HS6ST3: variants seen among roughly 807,000 people sequenced by gnomAD.
HS6ST3 encodes the protein heparan-sulfate 6-O-sulfotransferase 3.
In HS6ST3, 12 loss-of-function variants were observed where a neutral mutation model predicts 36.7. The ratio of observed to expected loss-of-function variants is 0.33; its 90% CI spans 0.21 to 0.53. The LOEUF (loss-of-function observed/expected upper bound fraction) is 0.53. Ranked by LOEUF, HS6ST3 falls within the 20% of genes least tolerant of loss-of-function variation. The pLI, the probability that HS6ST3 is intolerant of heterozygous loss-of-function variation, is 0.95. For synonymous variants in HS6ST3, 240 were observed against 257.5 expected (o/e 0.93, Z 0.65); for missense variants, 584 against 640.9 (o/e 0.91, Z 0.96).
chr13:96,475,885 A>G (rs1327047762), intron 1 of HS6ST3, among the ~76,000 whole-genome samples: 2 of 152,176 alleles, frequency 1.3e-5, no homozygotes, highest in Non-Finnish European at 2.9e-5. Context: ...AACCTCATCC[A>G]AGAACCCTCA....
chr13:96,112,578 A>AATATACACATATATAT (rs397773858), intron 1 of HS6ST3, among the ~76,000 whole-genome samples: 1 of 81,224 alleles, frequency 1.2e-5, no homozygotes, highest in African/African-American at 4.9e-5. Flanking sequence ...AAAATAAATA[A>AATATACACATATATAT]ATATATATAT....
At chr13:96,292,112 C>T (rs1365345634) in intron 1 of HS6ST3, among the ~76,000 whole-genome samples, 1 of 151,884 alleles carries the variant, frequency 6.6e-6, no homozygotes, top group African/African-American at 2.4e-5. Context: ...TTTTGTAAAA[C>T]ATGTGTTAAC....
At chr13:96,147,333 A>T (rs1157698692) in intron 1 of HS6ST3, among the ~76,000 whole-genome samples, 1 of 152,196 alleles carries the variant, frequency 6.6e-6, no homozygotes, top group African/African-American at 2.4e-5. Context: ...TGACCACCTC[A>T]TTAACTGTCT....
rs1566453346 is a variant in HS6ST3, at chr13:96,785,750, A to G, written c.708-46740A>G. On this transcript the variant is annotated intron_variant, in intron 1 of 1. Transcript: ENST00000376705. The stretch of plus-strand genomic sequence containing the variant: ...CACACAAAAAGAGGCAAAGAGATAC[A>G]TGAAAGAAAGGAAGCCCATATTTTA... 1.3e-5 allele frequency among the ~76,000 whole-genome samples: 2 copies of G among 152,332 alleles called. 1 individual carries two copies.
chr13:96,316,320 A>G (rs1594751203), intron 1 of HS6ST3, among the ~76,000 whole-genome samples: 1 of 146,344 alleles, frequency 6.8e-6, no homozygotes, highest in Non-Finnish European at 1.5e-5. Context: ...GTGGATGTGT[A>G]TGACTGTATG....
intron 1 of HS6ST3, among the ~76,000 whole-genome samples, chr13:96,624,215 C>A (rs987160095): frequency 3.3e-5 from 5 of 151,972 alleles, no homozygotes; most frequent in African/African-American, 1.2e-4. Flanking sequence ...TATGCCATTA[C>A]GGCTTAAGTA....
intron 1 of HS6ST3, among the ~76,000 whole-genome samples, chr13:96,461,676 T>G (rs17189965): frequency 0.24 from 37,161 of 152,150 alleles, 5,654 homozygotes; most frequent in Non-Finnish European, 0.34. Context: ...CAAAGTTGGC[T>G]TTCACCCTGA....
intron 1 of HS6ST3, among the ~76,000 whole-genome samples, chr13:96,424,177 G>A (rs537636274): frequency 9.9e-5 from 15 of 152,096 alleles, no homozygotes; most frequent in African/African-American, 3.1e-4. Flanking sequence ...CCAAACAAAC[G>A]AATTCCAAAA....
intron 1 of HS6ST3, among the ~76,000 whole-genome samples, chr13:96,512,228 T>C (rs1366418086): frequency 1.3e-5 from 2 of 152,204 alleles, no homozygotes; most frequent in Non-Finnish European, 2.9e-5. Flanking sequence ...ACATTCTCTA[T>C]ATAATTATAT....
chr13:96,146,722 G>A (rs145009842), intron 1 of HS6ST3, among the ~76,000 whole-genome samples: 319 of 152,212 alleles, frequency 2.1e-3, no homozygotes, highest in African/African-American at 6.5e-3. Flanking sequence ...TAATGAATTC[G>A]TATGTAGGTA....
chr13:96,602,936 A>G (rs2056426713), intron 1 of HS6ST3, among the ~76,000 whole-genome samples: 2 of 152,158 alleles, frequency 1.3e-5, no homozygotes, highest in Admixed American at 1.3e-4. Context: ...TTAATGTAAA[A>G]TTGTCCTTCC....
intron 1 of HS6ST3, among the ~76,000 whole-genome samples, chr13:96,397,884 A>G (rs1313428150): frequency 6.6e-6 from 1 of 152,116 alleles, no homozygotes; most frequent in Non-Finnish European, 1.5e-5. Context: ...TATCTTCTCC[A>G]TTTTACAGAT....
At chr13:96,346,142 C>A (rs1051910785) in intron 1 of HS6ST3, among the ~76,000 whole-genome samples, 1 of 152,208 alleles carries the variant, frequency 6.6e-6, no homozygotes, top group African/African-American at 2.4e-5. Flanking sequence ...CCCTAACAGG[C>A]CATGGATCAG....
intron 1 of HS6ST3, among the ~76,000 whole-genome samples, chr13:96,699,994 G>T (rs572614913): frequency 6.6e-6 from 1 of 152,156 alleles, no homozygotes; most frequent in African/African-American, 2.4e-5. Context: ...AACTGAGATT[G>T]TATTAGCCTT....
chr13:96,716,078 A>G (rs1374537811), intron 1 of HS6ST3, among the ~76,000 whole-genome samples: 2 of 152,110 alleles, frequency 1.3e-5, no homozygotes, highest in Admixed American at 6.6e-5. Context: ...AAGTGATTTA[A>G]AACACATTCA....
chr13:96,800,590 A>T (rs1878042333), intron 1 of HS6ST3, among the ~76,000 whole-genome samples: 1 of 152,028 alleles, frequency 6.6e-6, no homozygotes, highest in African/African-American at 2.4e-5. Context: ...GAAATTCTTT[A>T]TCTTTGTTCA....
At chr13:96,228,672 ATGT>A (rs1302133224) in intron 1 of HS6ST3, among the ~76,000 whole-genome samples, 1 of 152,150 alleles carries the variant, frequency 6.6e-6, no homozygotes, top group African/African-American at 2.4e-5. Context: ...GGTCCATGGG[ATGT>A]TGTTTGCCAC....
chr13:96,310,881 T>C (rs927615819), intron 1 of HS6ST3, among the ~76,000 whole-genome samples: 1 of 152,204 alleles, frequency 6.6e-6, no homozygotes, highest in Non-Finnish European at 1.5e-5. Flanking sequence ...AGGGGCTTAT[T>C]AGCAAATACT....
intron 1 of HS6ST3, among the ~76,000 whole-genome samples, chr13:96,518,805 A>G (rs544241080): frequency 2.4e-4 from 37 of 152,276 alleles, no homozygotes; most frequent in South Asian, 1.0e-3. Flanking sequence ...TGTAACTTCT[A>G]ATTTATTAGG....
Sources: gnomAD v4.1 joint callset for allele counts (sites outside exome capture counted in the v4.1 genomes callset) on GRCh38, gnomAD v4.1.1 for gene constraint, MANE v1.5 for transcripts, NCBI Gene and HGNC (gene_info 2026-07-23, HGNC 2026-07-21) for gene names.